Variants in MYO6 observed in about 807,000 individuals in gnomAD.
MYO6 encodes myosin VI.
In MYO6, 74 loss-of-function variants were observed where a neutral mutation model predicts 178.7. The ratio of observed to expected loss-of-function variants is 0.41; its 90% CI spans 0.34 to 0.50. The LOEUF (loss-of-function observed/expected upper bound fraction) is 0.50, where lower values mean the gene tolerates loss of function less well. Among genes scored for constraint, MYO6 ranks in the 20% least tolerant of loss-of-function variants. The pLI is 0.09. For missense variants in MYO6, 1,330 were observed against 1,547.4 expected, an observed-to-expected ratio of 0.86 and a Z score of 2.36; for synonymous variants, 477 against 504.6, an observed-to-expected ratio of 0.95 and a Z score of 0.73.
intron 1 of MYO6, among the ~76,000 whole-genome samples, chr6:75,754,545 A>AAAAAAAAG: frequency 6.6e-6 from 1 of 151,392 alleles, no homozygotes; most frequent in Non-Finnish European, 1.5e-5. Context: ...AAAAAAAAAA[A>AAAAAAAAG]AGTAAGCCGC....
chr6:75,787,728 C>CTA (rs1562158611), intron 1 of MYO6, among the ~76,000 whole-genome samples: 9 of 16,386 alleles, frequency 5.5e-4, no homozygotes, highest in Non-Finnish European at 7.4e-4. Context: ...CTCTCTCTCT[C>CTA]TCTATATATA....
intron 1 of MYO6, among the ~76,000 whole-genome samples, chr6:75,812,909 TG>T (rs1057165398): frequency 1.3e-5 from 2 of 152,200 alleles, no homozygotes; most frequent in African/African-American, 4.8e-5. Flanking sequence ...GCAGTAAAAA[TG>T]GGAGTGCAGT....
rs188036074 is a variant in MYO6, at chr6:75,866,199, A to T, written c.1675-327A>T. ...GTTTTGCATGTGCTTTTAAAAAAAAATTTTTTTATTACAAGCATGTTCTTT... is the reference window on the plus strand; with the variant it reads ...GTTTTGCATGTGCTTTTAAAAAAAATTTTTTTTATTACAAGCATGTTCTTT... On this transcript the variant is annotated intron_variant, in intron 16 of 34. Transcript: ENST00000369977. 1.2e-3 allele frequency among the ~76,000 whole-genome samples: 179 copies of T among 151,254 alleles called. 2 individuals are homozygous for T. The highest frequency in any genetic ancestry group is 5.0e-3 in the East Asian group (26 of 5,154).
At chr6:75,826,974 T>A (rs1251735640) in intron 3 of MYO6, among the ~76,000 whole-genome samples, 1 of 151,980 alleles carries the variant, frequency 6.6e-6, no homozygotes, top group South Asian at 2.1e-4. Flanking sequence ...TGATTATAGA[T>A]GGATGGGCAG....
intron 1 of MYO6, among the ~76,000 whole-genome samples, chr6:75,808,745 A>T (rs527238841): frequency 6.6e-6 from 1 of 152,338 alleles, no homozygotes; most frequent in East Asian, 1.9e-4. Context: ...GGAGGTTCTG[A>T]GGACATGTAC....
chr6:75,851,229 C>T lies in MYO6; in HGVS notation c.1078+2698C>T, dbSNP rs548993281. Among the ~76,000 whole-genome samples, 19 of 152,198 alleles carry T rather than the reference C, an allele frequency of 1.2e-4. No individual in the cohort carries two copies. In the South Asian group the frequency reaches 3.9e-3, roughly 32 times the overall value. On this transcript the variant is annotated intron_variant, in intron 11 of 34. Transcript: ENST00000369977. The stretch of plus-strand genomic sequence containing the variant: ...CAAGTTATTTGAAGAGTATGAAATG[C>T]CCAAAAGGTAATGCTATTTGCGTTA...
chr6:75,863,314 A>T (rs1188963996), intron 16 of MYO6, among the ~76,000 whole-genome samples: 1 of 152,148 alleles, frequency 6.6e-6, no homozygotes, highest in Non-Finnish European at 1.5e-5. Flanking sequence ...TGATCAGCCA[A>T]TTCATTTTGA....
At chr6:75,773,157 C>G (rs1037979679) in intron 1 of MYO6, among the ~76,000 whole-genome samples, 1 of 152,110 alleles carries the variant, frequency 6.6e-6, no homozygotes, top group African/African-American at 2.4e-5. Flanking sequence ...TTTGAACTTT[C>G]ATATTCTGGT....
At chr6:75,770,079 A>G (rs973568683) in intron 1 of MYO6, among the ~76,000 whole-genome samples, 2 of 152,012 alleles carry the variant, frequency 1.3e-5, no homozygotes, top group African/African-American at 2.4e-5. Flanking sequence ...TCCCTTCCTC[A>G]CTACCCTAGT....
intron 18 of MYO6, among the ~76,000 whole-genome samples, chr6:75,868,862 A>C (rs953370045): frequency 6.6e-6 from 1 of 152,226 alleles, no homozygotes; most frequent in Non-Finnish European, 1.5e-5. Context: ...GTTTTAGAAA[A>C]AGTCATCCTT....
At chr6:75,806,465 A>G (rs1025390243) in intron 1 of MYO6, among the ~76,000 whole-genome samples, 35 of 152,176 alleles carry the variant, frequency 2.3e-4, no homozygotes, top group Non-Finnish European at 5.1e-4. Flanking sequence ...TCATTATCAC[A>G]TAGAATAAGA....
intron 1 of MYO6, among the ~76,000 whole-genome samples, chr6:75,762,517 G>GA (rs1562121984): frequency 1.3e-5 from 2 of 152,162 alleles, no homozygotes; most frequent in African/African-American, 2.4e-5. Flanking sequence ...TCAGAGCTTT[G>GA]AAAATCAAAG....
chr6:75,847,180 C>T (rs1457051618), intron 10 of MYO6, among the ~76,000 whole-genome samples: 1 of 152,080 alleles, frequency 6.6e-6, no homozygotes, highest in African/African-American at 2.4e-5. Context: ...TTCTGCTGAA[C>T]AGTTTTGGCT....
chr6:75,818,487 G>A (rs1771516775), intron 2 of MYO6, among the ~76,000 whole-genome samples: 1 of 152,126 alleles, frequency 6.6e-6, no homozygotes, highest in African/African-American at 2.4e-5. Context: ...CATGATAGAT[G>A]TCCACAATTT....
chr6:75,872,500 T>G (rs1777233575), intron 19 of MYO6, among the ~76,000 whole-genome samples: 1 of 152,194 alleles, frequency 6.6e-6, no homozygotes, highest in African/African-American at 2.4e-5. Context: ...AGGGGCATAA[T>G]TTTATTTACT....
chr6:75,839,219 A>G (rs1201199117), intron 7 of MYO6, among the ~76,000 whole-genome samples: 1 of 151,710 alleles, frequency 6.6e-6, no homozygotes, highest in Non-Finnish European at 1.5e-5. Flanking sequence ...GAGATGGAGT[A>G]TCGCTGTCTC....
At chr6:75,878,353 T>G (rs1173515376) in intron 20 of MYO6, among the ~76,000 whole-genome samples, 1 of 152,228 alleles carries the variant, frequency 6.6e-6, no homozygotes, top group Non-Finnish European at 1.5e-5. Context: ...AGAGGACATC[T>G]GGACATTGTC....
intron 1 of MYO6, among the ~76,000 whole-genome samples, chr6:75,788,690 G>A (rs1436304664): frequency 6.6e-6 from 1 of 152,118 alleles, no homozygotes; most frequent in Non-Finnish European, 1.5e-5. Flanking sequence ...CTCCTGCCTT[G>A]GACTCCCAAA....
intron 1 of MYO6, among the ~76,000 whole-genome samples, chr6:75,790,742 A>G (rs2150084463): frequency 6.6e-6 from 1 of 152,158 alleles, no homozygotes; most frequent in Non-Finnish European, 1.5e-5. Context: ...TTTAGTATAT[A>G]TTTTTTGGAT....
Sources: gnomAD v4.1 joint callset for allele counts (sites outside exome capture counted in the v4.1 genomes callset) on GRCh38, gnomAD v4.1.1 for gene constraint, MANE v1.5 for transcripts, NCBI Gene and HGNC (gene_info 2026-07-23, HGNC 2026-07-21) for gene names.